The following RORA variants were observed in gnomAD, a reference collection of about 807,000 sequenced individuals.
The protein encoded by RORA is nuclear receptor ROR-alpha.
RORA carries 7 observed loss-of-function variants against 69.5 expected under a neutral mutation model. The observed-to-expected ratio is 0.10, with a 90% CI of 0.06 to 0.19. The LOEUF is 0.19. RORA is among the 10% of genes least tolerant of loss of function. The pLI, the probability that RORA is intolerant of heterozygous loss-of-function variation, is 1.00. For missense variants in RORA, 457 were observed against 663.0 expected (o/e 0.69, Z 3.41); for synonymous variants, 261 against 240.8 (o/e 1.08, Z -0.78).
intron 1 of RORA, among the ~76,000 whole-genome samples, chr15:60,817,296 T>C (rs1045590626): frequency 3.3e-5 from 5 of 152,228 alleles, no homozygotes; most frequent in African/African-American, 1.2e-4. Flanking sequence ...CTATACTGCA[T>C]TCTATTAAGT....
At chr15:61,076,373 C>A in intron 1 of RORA, among the ~76,000 whole-genome samples, 1 of 149,140 alleles carries the variant, frequency 6.7e-6, no homozygotes. Flanking sequence ...ACTTATTGAG[C>A]AAACATTAAG....
chr15:60,934,771 T>C (rs974913189), intron 1 of RORA, among the ~76,000 whole-genome samples: 1 of 152,244 alleles, frequency 6.6e-6, no homozygotes, highest in Admixed American at 6.5e-5. Context: ...AAGCCATCAC[T>C]GGCTGGACAA....
chr15:60,887,252 G>A (rs2073761926), intron 1 of RORA, among the ~76,000 whole-genome samples: 1 of 152,132 alleles, frequency 6.6e-6, no homozygotes, highest in African/African-American at 2.4e-5. Flanking sequence ...AAGCATATGA[G>A]ATTTGCAACC....
At chr15:60,761,709 C>T (rs1325511736) in intron 1 of RORA, among the ~76,000 whole-genome samples, 3 of 152,152 alleles carry the variant, frequency 2.0e-5, no homozygotes, top group Non-Finnish European at 4.4e-5. Context: ...CTGTCCTTCT[C>T]CCCTAACCAT....
At chr15:60,551,436 A>T (rs769161002) in intron 2 of RORA, among the ~76,000 whole-genome samples, 2 of 152,138 alleles carry the variant, frequency 1.3e-5, no homozygotes, top group Non-Finnish European at 2.9e-5. Context: ...CCATTTCTAA[A>T]GTTTAAGAAA....
At position 60,602,001 on chromosome 15, in the gene RORA, T is replaced by C. The variant is rs147552728; in HGVS notation, c.197-70150A>G. ...TTGAGAAACTACTGATATGCATTAT[T>C]GAATTTGTTGTAAAGCCTTAAGTAC... On this transcript the variant is annotated intron_variant, in intron 2 of 10. Transcript: ENST00000335670. 3.5e-3 allele frequency among the ~76,000 whole-genome samples: 526 copies of C among 152,286 alleles called. 6 individuals carry two copies. Among genetic ancestry groups the C allele is most frequent in the African/African-American group, 0.011 (459 of 41,576 alleles).
intron 1 of RORA, among the ~76,000 whole-genome samples, chr15:60,737,084 A>G (rs918625133): frequency 6.6e-6 from 1 of 152,102 alleles, no homozygotes; most frequent in African/African-American, 2.4e-5. Flanking sequence ...TTTATCCTGG[A>G]CCATTCTGCT....
chr15:61,065,438 C>T (rs897563865), intron 1 of RORA, among the ~76,000 whole-genome samples: 6 of 152,122 alleles, frequency 3.9e-5, no homozygotes, highest in Non-Finnish European at 7.4e-5. Flanking sequence ...CTTCTCTTTT[C>T]CAACACTTCA....
intron 1 of RORA, among the ~76,000 whole-genome samples, chr15:61,142,867 A>C (rs1178993709): frequency 6.6e-6 from 1 of 152,164 alleles, no homozygotes; most frequent in African/African-American, 2.4e-5. Flanking sequence ...TTGATATGGG[A>C]AAGAGAGATA....
intron 1 of RORA, among the ~76,000 whole-genome samples, chr15:60,946,725 G>A (rs1446633107): frequency 6.6e-6 from 1 of 151,436 alleles, no homozygotes; most frequent in Non-Finnish European, 1.5e-5. Flanking sequence ...CTGCCTGGCT[G>A]CCCATCGTCT....
At chr15:60,498,977 C>A (rs991038968) in intron 10 of RORA, among the ~76,000 whole-genome samples, 1 of 151,868 alleles carries the variant, frequency 6.6e-6, no homozygotes, top group African/African-American at 2.4e-5. Flanking sequence ...GTTCTAAGAC[C>A]AAATACATAC....
At chr15:61,161,467 G>A (rs2079495303) in intron 1 of RORA, among the ~76,000 whole-genome samples, 1 of 152,176 alleles carries the variant, frequency 6.6e-6, no homozygotes. Context: ...TGCAGAACAA[G>A]AATAAGTAAC....
At chr15:60,683,639 G>GATACTC in intron 1 of RORA, among the ~76,000 whole-genome samples, 1 of 56,726 alleles carries the variant, frequency 1.8e-5, no homozygotes, top group South Asian at 1.0e-3. Flanking sequence ...ATTTTACCCA[G>GATACTC]ATACACATAC....
chr15:61,000,605 C>G (rs572032780), intron 1 of RORA, among the ~76,000 whole-genome samples: 1 of 152,250 alleles, frequency 6.6e-6, no homozygotes, highest in East Asian at 1.9e-4. Context: ...AGAACAGAAG[C>G]TGCTAACCTG....
At chr15:61,094,134 T>C (rs1312692195) in intron 1 of RORA, among the ~76,000 whole-genome samples, 1 of 152,196 alleles carries the variant, frequency 6.6e-6, no homozygotes, top group East Asian at 1.9e-4. Context: ...CCTTTTCTCC[T>C]AAGCATAGAG....
At chr15:61,191,009 CA>C (rs568737565) in intron 1 of RORA, among the ~76,000 whole-genome samples, 351 of 145,004 alleles carry the variant, frequency 2.4e-3, no homozygotes, top group South Asian at 3.5e-3. Context: ...GGAAATGGTC[CA>C]AAAAAAAAAA....
At chr15:60,977,243 G>A (rs959833261) in intron 1 of RORA, among the ~76,000 whole-genome samples, 3 of 152,060 alleles carry the variant, frequency 2.0e-5, no homozygotes, top group Admixed American at 6.5e-5. Context: ...GGTGGGGAGG[G>A]GGTCGTAAAT....
intron 1 of RORA, among the ~76,000 whole-genome samples, chr15:61,156,749 T>C (rs1455303532): frequency 3.3e-5 from 5 of 152,210 alleles, no homozygotes; most frequent in Admixed American, 3.3e-4. Flanking sequence ...TTATAAGAGA[T>C]GTTAAATCTG....
chr15:60,786,156 A>T (rs1392187381), intron 1 of RORA, among the ~76,000 whole-genome samples: 1 of 152,230 alleles, frequency 6.6e-6, no homozygotes. Context: ...CATACACGAC[A>T]TCACTACGGT....
Sources: gnomAD v4.1 joint callset for allele counts (sites outside exome capture counted in the v4.1 genomes callset) on GRCh38, gnomAD v4.1.1 for gene constraint, MANE v1.5 for transcripts, NCBI Gene and HGNC (gene_info 2026-07-23, HGNC 2026-07-21) for gene names.